The following ERICH1 variants were observed in gnomAD, a reference collection of about 807,000 sequenced individuals.
ERICH1 encodes the protein glutamate-rich protein 1.
A neutral mutation model predicts 39.6 loss-of-function variants in ERICH1; 56 were observed. The ratio of observed to expected loss-of-function variants is 1.41; its 90% CI spans 1.14 to 1.77. ERICH1 has a LOEUF of 1.77. Among genes scored for constraint, ERICH1 ranks in the 40% most tolerant of loss-of-function variants. The probability of loss-of-function intolerance (pLI) is 0.00; values close to 1 mark genes in which losing one functional copy is unlikely to be tolerated. For synonymous variants in ERICH1, 313 were observed against 223.6 expected (o/e 1.40, Z -3.57); for missense variants, 826 against 575.4 (o/e 1.44, Z -4.45).
At chr8:634,335 C>G (rs571517868) in intron 3 of ERICH1, among the ~76,000 whole-genome samples, 13 of 152,270 alleles carry the variant, frequency 8.5e-5, no homozygotes, top group African/African-American at 2.6e-4. Flanking sequence ...ACAAAGGCAA[C>G]GAGCGAGCGT....
chr8:676,864 A>C (rs1804964608), intron 3 of ERICH1, among the ~76,000 whole-genome samples: 1 of 152,242 alleles, frequency 6.6e-6, no homozygotes, highest in Non-Finnish European at 1.5e-5. Context: ...TGTGCACCCC[A>C]TCACAGATTG....
At chr8:672,980 G>C (rs1442839043) in intron 4 of ERICH1, among the ~76,000 whole-genome samples, 2 of 152,240 alleles carry the variant, frequency 1.3e-5, no homozygotes, top group African/African-American at 4.8e-5. Context: ...TGACCTTAGA[G>C]GCATGGAGGA....
chr8:690,069 C>T (rs1000812853), intron 3 of ERICH1, among the ~76,000 whole-genome samples: 2 of 152,202 alleles, frequency 1.3e-5, no homozygotes, highest in Non-Finnish European at 2.9e-5. Context: ...TTCTGGAGAG[C>T]AAGACGCAAC....
At chr8:727,552 C>G (rs1819064330) in intron 1 of ERICH1, among the ~76,000 whole-genome samples, 1 of 152,240 alleles carries the variant, frequency 6.6e-6, no homozygotes, top group Non-Finnish European at 1.5e-5. Context: ...GAGGATGCAC[C>G]TGCAAGGGCG....
chr8:642,820 C>A (rs945395760), intron 3 of ERICH1, among the ~76,000 whole-genome samples: 6 of 152,246 alleles, frequency 3.9e-5, no homozygotes, highest in African/African-American at 1.2e-4. Flanking sequence ...AGGATGTCTA[C>A]AGGACTGGGG....
intron 3 of ERICH1, 96 bp downstream of exon 3, chr8:692,382 G>A (rs1040304670): frequency 1.8e-5 from 27 of 1,542,512 alleles, no homozygotes; most frequent in Non-Finnish European, 2.3e-5. Flanking sequence ...CACCCCCCAA[G>A]TATGAATTTA....
At chr8:621,087 G>C (rs1013632400) in intron 3 of ERICH1, among the ~76,000 whole-genome samples, 6 of 152,066 alleles carry the variant, frequency 3.9e-5, no homozygotes, top group Non-Finnish European at 7.4e-5. Context: ...GAGCACAATA[G>C]ACTTAAATTA....
At chr8:677,048 C>T (rs1805006580) in intron 3 of ERICH1, among the ~76,000 whole-genome samples, 1 of 152,236 alleles carries the variant, frequency 6.6e-6, no homozygotes, top group African/African-American at 2.4e-5. Flanking sequence ...TCTGTCTCAA[C>T]AGCCTCAAGC....
intron 5 of ERICH1, chr8:667,209 C>T (rs1026286126): frequency 1.3e-5 from 2 of 152,830 alleles, no homozygotes; most frequent in African/African-American, 4.8e-5. Context: ...TTCTGAGACT[C>T]ACTCAATGCC....
intron 4 of ERICH1, among the ~76,000 whole-genome samples, chr8:669,807 G>A (rs1316186818): frequency 6.6e-6 from 1 of 152,232 alleles, no homozygotes; most frequent in African/African-American, 2.4e-5. Context: ...GGATCTGGCT[G>A]CTGGTCTTGT....
chr8:634,832 T>C (rs547496412), intron 3 of ERICH1, among the ~76,000 whole-genome samples: 1 of 152,340 alleles, frequency 6.6e-6, no homozygotes, highest in South Asian at 2.1e-4. Flanking sequence ...GGAAAGGTTC[T>C]TTTTTGTCTC....
chr8:723,692 G>C (rs1186128635), intron 1 of ERICH1, among the ~76,000 whole-genome samples: 1 of 152,132 alleles, frequency 6.6e-6, no homozygotes, highest in African/African-American at 2.4e-5. Context: ...ACATTTATTA[G>C]GGTTATTGTA....
downstream of ERICH1, among the ~76,000 whole-genome samples, chr8:660,350 A>C (rs1307835244): frequency 6.6e-6 from 1 of 152,214 alleles, no homozygotes; most frequent in African/African-American, 2.4e-5. Context: ...TGACATCTTT[A>C]AAAAGAGGTT....
Position 639,846 on chromosome 8 carries a change from C to T in ERICH1, c.977-24562G>A, listed in dbSNP as rs1215390027. 5.5e-5 allele frequency among the ~76,000 whole-genome samples: 7 copies of T among 127,504 alleles called. 1 individual carries two copies. The highest frequency in any genetic ancestry group is 1.8e-4 in the African/African-American group (6 of 32,862). 83.6% of individuals were successfully genotyped at this position (127,504 alleles called of 152,430 possible). A position where few individuals can be genotyped will look rare whatever the true frequency, so the allele number is the denominator to read the frequency against. The stretch of plus-strand genomic sequence containing the variant: ...ATCCAGTGAGCAGACACACCAAGCA[C>T]CCTGGATTCAGAGGCAGCCGGTTTT... On this transcript the variant is annotated intron_variant, in intron 3 of 3. Transcript: ENST00000522706.
chr8:727,275 A>C (rs1192337369), intron 1 of ERICH1, among the ~76,000 whole-genome samples: 2 of 152,158 alleles, frequency 1.3e-5, no homozygotes, highest in Non-Finnish European at 2.9e-5. Flanking sequence ...AAGCTCACAG[A>C]CCCACACCTA....
At chr8:657,929 TTGAC>T (rs1405813682) in intron 3 of ERICH1, among the ~76,000 whole-genome samples, 5 of 152,176 alleles carry the variant, frequency 3.3e-5, no homozygotes, top group Admixed American at 3.3e-4. Context: ...CAGAGGTGGT[TTGAC>T]TGGCTGGCGT....
At chr8:651,773 G>A (rs1184595196) in intron 3 of ERICH1, among the ~76,000 whole-genome samples, 1 of 151,656 alleles carries the variant, frequency 6.6e-6, no homozygotes, top group Non-Finnish European at 1.5e-5. Context: ...GGGAGGGGAG[G>A]GCATCTGGTT....
At chr8:694,613 C>A (rs1172299930) in intron 2 of ERICH1, among the ~76,000 whole-genome samples, 1 of 152,210 alleles carries the variant, frequency 6.6e-6, no homozygotes, top group Non-Finnish European at 1.5e-5. Flanking sequence ...GTGGCACCTC[C>A]TGCGACAGTC....
chr8:653,546 C>T (rs1002874155), intron 3 of ERICH1, among the ~76,000 whole-genome samples: 1 of 152,188 alleles, frequency 6.6e-6, no homozygotes, highest in Admixed American at 6.5e-5. Context: ...TTTGTTCTGA[C>T]CACGAGGAAT....
Sources: allele counts gnomAD v4.1 joint callset (sites outside exome capture counted in the v4.1 genomes callset), GRCh38; gene constraint gnomAD v4.1.1; transcripts MANE v1.5; gene names NCBI Gene and HGNC (gene_info 2026-07-23, HGNC 2026-07-21).